GABRB1: variants seen among roughly 807,000 people sequenced by gnomAD.
GABRB1 encodes the protein gamma-aminobutyric acid type A receptor subunit beta1, also known as gamma-aminobutyric acid receptor subunit beta-1.
Under a neutral mutation model 51.6 loss-of-function variants are expected in GABRB1, and 17 were observed. The ratio of observed to expected loss-of-function variants is 0.33; its 90% CI spans 0.23 to 0.49. The LOEUF (loss-of-function observed/expected upper bound fraction) is 0.49. GABRB1 is among the 20% of genes least tolerant of loss of function. The probability of loss-of-function intolerance (pLI) is 0.99; values close to 1 mark genes in which losing one functional copy is unlikely to be tolerated. For missense variants in GABRB1, 410 were observed against 600.6 expected (o/e 0.68, Z 3.32); for synonymous variants, 247 against 218.9 (o/e 1.13, Z -1.14).
chr4:47,421,394 A>C (rs572944269), intron 8 of GABRB1, among the ~76,000 whole-genome samples: 71 of 152,214 alleles, frequency 4.7e-4, no homozygotes, highest in Non-Finnish European at 8.1e-4. Flanking sequence ...TTTTACTTAG[A>C]GAGATTCATA....
At chr4:47,363,544 T>A (rs1021242365) in intron 5 of GABRB1, among the ~76,000 whole-genome samples, 1 of 152,124 alleles carries the variant, frequency 6.6e-6, no homozygotes, top group African/African-American at 2.4e-5. Context: ...GTCATATTTA[T>A]AATACCAGTA....
intron 4 of GABRB1, among the ~76,000 whole-genome samples, chr4:47,290,187 G>A (rs1418450733): frequency 6.6e-6 from 1 of 152,220 alleles, no homozygotes; most frequent in Non-Finnish European, 1.5e-5. Context: ...CCCAAGTGTT[G>A]TGGAAGGCAC....
chr4:47,181,954 C>A (rs962992057), intron 4 of GABRB1, among the ~76,000 whole-genome samples: 5 of 151,948 alleles, frequency 3.3e-5, no homozygotes, highest in African/African-American at 4.8e-5. Flanking sequence ...GTTAAGGGAT[C>A]CAACTGTGTT....
chr4:47,310,310 A>G (rs1724624411), intron 4 of GABRB1, among the ~76,000 whole-genome samples: 1 of 152,210 alleles, frequency 6.6e-6, no homozygotes, highest in African/African-American at 2.4e-5. Flanking sequence ...GTATTAAAAT[A>G]TATACATATA....
At chr4:47,315,237 A>T (rs1724841729) in intron 4 of GABRB1, among the ~76,000 whole-genome samples, 1 of 152,048 alleles carries the variant, frequency 6.6e-6, no homozygotes, top group African/African-American at 2.4e-5. Flanking sequence ...GAACATGAAC[A>T]CCTTTCAAAA....
intron 5 of GABRB1, among the ~76,000 whole-genome samples, chr4:47,335,131 CA>C (rs1185310053): frequency 1.3e-5 from 2 of 152,112 alleles, no homozygotes; most frequent in African/African-American, 4.8e-5. Flanking sequence ...ATCGTTTTAG[CA>C]TGAATTGTGA....
chr4:47,285,540 T>C (rs1162064475), intron 4 of GABRB1, among the ~76,000 whole-genome samples: 3 of 152,180 alleles, frequency 2.0e-5, no homozygotes, highest in African/African-American at 7.2e-5. Flanking sequence ...AGCCACTACT[T>C]TTTTAGACTT....
intron 4 of GABRB1, among the ~76,000 whole-genome samples, chr4:47,212,853 C>T (rs1720417734): frequency 6.6e-6 from 1 of 152,128 alleles, no homozygotes; most frequent in South Asian, 2.1e-4. Flanking sequence ...ACAATCCCTC[C>T]CTAGTCTGAA....
At chr4:47,203,051 G>C (rs1422248046) in intron 4 of GABRB1, among the ~76,000 whole-genome samples, 1 of 152,148 alleles carries the variant, frequency 6.6e-6, no homozygotes, top group Non-Finnish European at 1.5e-5. Context: ...TACCTTCCAA[G>C]TAGGCTTTTC....
intron 1 of GABRB1, among the ~76,000 whole-genome samples, chr4:47,025,401 A>G (rs1455630087): frequency 6.6e-6 from 1 of 151,802 alleles, no homozygotes; most frequent in Non-Finnish European, 1.5e-5. Context: ...CCATGCCAAT[A>G]TCTATTATTT....
chr4:47,331,095 T>A (rs546415734), intron 5 of GABRB1, among the ~76,000 whole-genome samples: 144 of 152,296 alleles, frequency 9.5e-4, no homozygotes, highest in African/African-American at 3.4e-3. Flanking sequence ...ATTAGCAGCA[T>A]TGGATATCTC....
chr4:47,365,061 A>G (rs28502282), intron 5 of GABRB1, among the ~76,000 whole-genome samples: 80,462 of 152,102 alleles, frequency 0.53, 21,791 homozygotes, highest in African/African-American at 0.58. Flanking sequence ...GAATAGGACA[A>G]AGAGAGGAAA....
intron 3 of GABRB1, among the ~76,000 whole-genome samples, chr4:47,128,246 T>C (rs1436425961): frequency 1.3e-5 from 2 of 151,752 alleles, no homozygotes; most frequent in African/African-American, 4.8e-5. Flanking sequence ...ATTAAAGTAG[T>C]GAAGAAAGAA....
intron 8 of GABRB1, among the ~76,000 whole-genome samples, chr4:47,409,594 G>A (rs769703651): frequency 1.5e-4 from 22 of 151,144 alleles, no homozygotes; most frequent in Non-Finnish European, 3.1e-4. Context: ...GGTACAGTAT[G>A]GGGGGCATGG....
At chr4:47,035,954 C>G (rs1198125937) in intron 3 of GABRB1, among the ~76,000 whole-genome samples, 1 of 152,160 alleles carries the variant, frequency 6.6e-6, no homozygotes, top group Non-Finnish European at 1.5e-5. Context: ...AACCAGGCAG[C>G]TCTCTGTACC....
rs553374642 is a variant in GABRB1 at position 47,383,288 on chromosome 4, A to G, written c.545-20030A>G. Among the ~76,000 whole-genome samples, 4 of 152,332 alleles carry G rather than the reference A, an allele frequency of 2.6e-5. No individual in the cohort carries two copies. The South Asian group carries it at 8.3e-4, about 32-fold the overall frequency. On this transcript the variant is annotated intron_variant, in intron 5 of 8. Coordinates refer to ENST00000295454, the MANE Select transcript of GABRB1 (RefSeq NM_000812.4). ...TAGGAAAGAAAATCCACTATTTTCT[A>G]TAGACACAAGAGCTTGGTAGAATAT...
At chr4:47,276,812 C>T (rs1321561826) in intron 4 of GABRB1, among the ~76,000 whole-genome samples, 1 of 152,080 alleles carries the variant, frequency 6.6e-6, no homozygotes, top group Non-Finnish European at 1.5e-5. Context: ...CCTCCTTAAC[C>T]TCTACCCACT....
At chr4:47,000,809 C>A (rs769312926) in intron 1 of GABRB1, among the ~76,000 whole-genome samples, 12 of 152,280 alleles carry the variant, frequency 7.9e-5, no homozygotes, top group Non-Finnish European at 1.5e-4. Context: ...CCAAAGTAAG[C>A]ATTTCAAGTT....
chr4:47,393,259 A>G (rs530568656), intron 5 of GABRB1, among the ~76,000 whole-genome samples: 1 of 152,344 alleles, frequency 6.6e-6, no homozygotes, highest in African/African-American at 2.4e-5. Context: ...CCTGGAATCT[A>G]CTACTTCAGT....
Sources: allele counts gnomAD v4.1 joint callset (sites outside exome capture counted in the v4.1 genomes callset), GRCh38; gene constraint gnomAD v4.1.1; transcripts MANE v1.5; gene names NCBI Gene and HGNC (gene_info 2026-07-23, HGNC 2026-07-21).